FOXO3: variants seen among roughly 807,000 people sequenced by gnomAD.
The protein encoded by FOXO3 is forkhead box protein O3.
Under a neutral mutation model 41.9 loss-of-function variants are expected in FOXO3, and 4 were observed. The ratio of observed to expected loss-of-function variants is 0.10; its 90% CI spans 0.05 to 0.22. FOXO3 has a LOEUF of 0.22. Among genes scored for constraint, FOXO3 ranks in the 10% least tolerant of loss-of-function variants. The pLI is 1.00. For synonymous variants in FOXO3, 318 were observed against 389.3 expected (o/e 0.82, Z 2.16); for missense variants, 534 against 906.8 (o/e 0.59, Z 5.28).
At chr6:108,580,672 T>A (rs1280092136) in intron 1 of FOXO3, among the ~76,000 whole-genome samples, 1 of 152,236 alleles carries the variant, frequency 6.6e-6, no homozygotes, top group Non-Finnish European at 1.5e-5. Context: ...TACTGAGACC[T>A]CACTGGCTTG....
intron 1 of FOXO3, among the ~76,000 whole-genome samples, chr6:108,573,354 G>A (rs1252010931): frequency 6.6e-6 from 1 of 152,084 alleles, no homozygotes; most frequent in East Asian, 1.9e-4. Context: ...TCTACTCTAT[G>A]CTGCATTCTT....
At chr6:108,660,726 G>A (rs190868101) in intron 1 of FOXO3, among the ~76,000 whole-genome samples, 1 of 152,076 alleles carries the variant, frequency 6.6e-6, no homozygotes, top group East Asian at 1.9e-4. Context: ...CAAAAATTAG[G>A]CCGGGCATGG....
At chr6:108,597,730 A>G (rs747423127) in intron 1 of FOXO3, among the ~76,000 whole-genome samples, 1 of 152,176 alleles carries the variant, frequency 6.6e-6, no homozygotes, top group South Asian at 2.1e-4. Flanking sequence ...GTAGACCTGT[A>G]TGTGGCTGTG....
At chr6:108,677,015 G>A (rs995970116) in intron 2 of FOXO3, among the ~76,000 whole-genome samples, 5 of 152,224 alleles carry the variant, frequency 3.3e-5, no homozygotes, top group African/African-American at 9.6e-5. Flanking sequence ...TCTGTTCTCT[G>A]GAGTGGGAGT....
intron 1 of FOXO3, among the ~76,000 whole-genome samples, chr6:108,609,379 T>C (rs1777296067): frequency 6.6e-6 from 1 of 152,236 alleles, no homozygotes; most frequent in Admixed American, 6.5e-5. Context: ...GGCACCAAGA[T>C]GTTACACACT....
At chr6:108,638,246 G>A (rs1333916038) in intron 1 of FOXO3, among the ~76,000 whole-genome samples, 1 of 152,186 alleles carries the variant, frequency 6.6e-6, no homozygotes, top group East Asian at 1.9e-4. Context: ...CTTGGTAGGG[G>A]GGCCTGAGGG....
At chr6:108,575,569 C>T (rs866526778) in intron 1 of FOXO3, among the ~76,000 whole-genome samples, 3 of 152,178 alleles carry the variant, frequency 2.0e-5, no homozygotes, top group South Asian at 4.1e-4. Flanking sequence ...GAGTTTTTAT[C>T]TTACACATAG....
intron 2 of FOXO3, among the ~76,000 whole-genome samples, chr6:108,670,014 T>A (rs1779170963): frequency 2.0e-5 from 3 of 152,226 alleles, no homozygotes; most frequent in Admixed American, 2.0e-4. Flanking sequence ...AACAACATTT[T>A]CTATCAGTAG....
intron 1 of FOXO3, among the ~76,000 whole-genome samples, chr6:108,626,065 G>T (rs1455617071): frequency 6.6e-6 from 1 of 152,170 alleles, no homozygotes; most frequent in African/African-American, 2.4e-5. Flanking sequence ...ATAGTCTGAG[G>T]CTATTTAGTG....
chr6:108,654,308 T>A (rs867710833), intron 1 of FOXO3, among the ~76,000 whole-genome samples: 9 of 151,888 alleles, frequency 5.9e-5, no homozygotes, highest in Admixed American at 2.0e-4. Context: ...AAAGAAAAAA[T>A]AATAATAATT....
chr6:108,582,391 T>C (rs1324217304), intron 1 of FOXO3, among the ~76,000 whole-genome samples: 1 of 152,200 alleles, frequency 6.6e-6, no homozygotes, highest in African/African-American at 2.4e-5. Flanking sequence ...AGTTGTAAGT[T>C]ATATCCAGTT....
At chr6:108,632,637 A>G (rs1316118339) in intron 1 of FOXO3, among the ~76,000 whole-genome samples, 1 of 152,198 alleles carries the variant, frequency 6.6e-6, no homozygotes, top group Admixed American at 6.5e-5. Flanking sequence ...AGGCAAGTGA[A>G]GCACATGGTA....
chr6:108,579,722 T>C (rs1776357010), intron 1 of FOXO3, among the ~76,000 whole-genome samples: 1 of 152,170 alleles, frequency 6.6e-6, no homozygotes, highest in Admixed American at 6.5e-5. Context: ...TCAGGATCAC[T>C]TTCACAGAGG....
At chr6:108,571,031 C>T (rs1459271509) in intron 1 of FOXO3, among the ~76,000 whole-genome samples, 1 of 152,148 alleles carries the variant, frequency 6.6e-6, no homozygotes, top group Non-Finnish European at 1.5e-5. Context: ...ACTACATGTT[C>T]ATTTATACCT....
chr6:108,615,086 G>GTTA (rs1325591383), intron 1 of FOXO3, among the ~76,000 whole-genome samples: 1 of 151,950 alleles, frequency 6.6e-6, no homozygotes, highest in Non-Finnish European at 1.5e-5. Context: ...CTACATGTAT[G>GTTA]TTATAAGCCC....
chr6:108,661,190 C>T (rs1375531652), intron 1 of FOXO3, among the ~76,000 whole-genome samples: 2 of 151,950 alleles, frequency 1.3e-5, no homozygotes, highest in South Asian at 2.1e-4. Flanking sequence ...TGCAGTGAGC[C>T]GAGATCAAGC....
intron 1 of FOXO3, among the ~76,000 whole-genome samples, chr6:108,582,534 C>A (rs1467178059): frequency 6.6e-6 from 1 of 152,084 alleles, no homozygotes; most frequent in African/African-American, 2.4e-5. Context: ...AATAAATGAA[C>A]CATTTGTCAG....
chr6:108,561,726 C>T lies in FOXO3; in HGVS notation c.518C>T (p.Ser173Phe), dbSNP rs1431631210. The T allele has an allele frequency of 6.2e-7, 1 of 1,610,858 alleles. No homozygotes were observed. Among genetic ancestry groups the T allele is most frequent in the Admixed American group, 1.7e-5 (1 of 59,810 alleles). ...CTGATCACCCGCGCCATCGAGAGCT[C>T]CCCGGACAAACGGCTCACTCTGTCC... ...ADLITRAIES[S>F]PDKRLTLSQI... Residue 173 changes from serine to phenylalanine, a missense_variant, in exon 1 of 3, where the codon TCC becomes TTC. Transcript: ENST00000406360.
chr6:108,576,232 C>T (rs576681207), intron 1 of FOXO3, among the ~76,000 whole-genome samples: 1 of 152,306 alleles, frequency 6.6e-6, no homozygotes, highest in South Asian at 2.1e-4. Flanking sequence ...ATTTAGTCTC[C>T]TCCCCTTACA....
Sources: gnomAD v4.1 joint callset for allele counts (sites outside exome capture counted in the v4.1 genomes callset) on GRCh38, gnomAD v4.1.1 for gene constraint, MANE v1.5 for transcripts, NCBI Gene and HGNC (gene_info 2026-07-23, HGNC 2026-07-21) for gene names.